The following PIEZO2 variants were observed in gnomAD, a reference collection of about 807,000 sequenced individuals.
PIEZO2 encodes the protein piezo type mechanosensitive ion channel component 2.
Under a neutral mutation model 337.3 loss-of-function variants are expected in PIEZO2, and 172 were observed. The ratio of observed to expected loss-of-function variants is 0.51; its 90% confidence interval spans 0.45 to 0.58. The LOEUF (loss-of-function observed/expected upper bound fraction) is 0.58. PIEZO2 is among the 20% of genes least tolerant of loss of function. The probability of loss-of-function intolerance (pLI) is 0.00; values close to 1 mark genes in which losing one functional copy is unlikely to be tolerated. For synonymous variants in PIEZO2, 1,251 were observed against 1,228.5 expected (o/e 1.02, Z -0.38); for missense variants, 3,028 against 3,391.3 (o/e 0.89, Z 2.66).
intron 1 of PIEZO2, among the ~76,000 whole-genome samples, chr18:11,123,227 T>C (rs1357673953): frequency 6.6e-6 from 1 of 152,208 alleles, no homozygotes; most frequent in Non-Finnish European, 1.5e-5. Flanking sequence ...TTAGTCTTTC[T>C]AGATATACAC....
chr18:11,100,589 C>T (rs1191925396), intron 1 of PIEZO2, among the ~76,000 whole-genome samples: 9 of 152,110 alleles, frequency 5.9e-5, no homozygotes, highest in Non-Finnish European at 1.3e-4. Flanking sequence ...GTCATGCTCA[C>T]CACATTTTCA....
rs146715574 is a variant in PIEZO2, at chr18:11,001,653, G to T, written c.161-21993C>A. Among the ~76,000 whole-genome samples the T allele has an allele frequency of 2.7e-3, 411 of 152,040 alleles. 5 individuals carry two copies. Among genetic ancestry groups the T allele is most frequent in the African/African-American group, 9.4e-3 (389 of 41,434 alleles). The stretch of plus-strand genomic sequence containing the variant: ...AGCACTTTGGGAGGCTGAGGTGGGC[G>T]GATCATCTGAGGTCGGGAGTTCGAG... On this transcript the variant is annotated intron_variant, in intron 2 of 55. Transcript: ENST00000674853. This position sits in a 1 kb window ranked among gnomAD's most constrained non-coding sequence, Gnocchi z 5.3.
At position 10,811,077 on chromosome 18, in the gene PIEZO2, T is replaced by C. The variant is rs16975385; in HGVS notation, c.918-3803A>G. ...ATCATTCTTTCCTTCAGGCCTGATA[T>C]TCCTTATAGTTAATATTCACCAATA... On this transcript the variant is annotated intron_variant, in intron 7 of 55. Coordinates refer to ENST00000674853, the MANE Select transcript of PIEZO2 (RefSeq NM_001378183.1). Among the ~76,000 whole-genome samples, 474 of 152,324 alleles carry C rather than the reference T, an allele frequency of 3.1e-3. 5 individuals are homozygous for C. The highest frequency in any genetic ancestry group is 0.021 in the Admixed American group (324 of 15,298).
intron 47 of PIEZO2, among the ~76,000 whole-genome samples, chr18:10,692,071 T>TGA (rs1473574701): frequency 3.3e-5 from 5 of 151,986 alleles, no homozygotes; most frequent in Admixed American, 6.6e-5. Context: ...TTTTTAATGA[T>TGA]TTCCTCAACA....
At chr18:10,790,203 G>A (rs1025057479) in intron 14 of PIEZO2, among the ~76,000 whole-genome samples, 1 of 152,082 alleles carries the variant, frequency 6.6e-6, no homozygotes, top group Non-Finnish European at 1.5e-5. Flanking sequence ...ACAGACTTTT[G>A]TTACTGAAAA....
At position 11,076,402 on chromosome 18, in the gene PIEZO2, T is replaced by G. The variant is rs188577088; in HGVS notation, c.65-10180A>C. On this transcript the variant is annotated intron_variant, in intron 1 of 55. Coordinates refer to ENST00000674853, the MANE Select transcript of PIEZO2 (RefSeq NM_001378183.1). ...TAACTACTACTCAATTTCCTAAAAT[T>G]TTGAAACCAATCTAAGGAAAAAAAT... is the stretch of plus-strand genomic sequence containing the variant. Among the ~76,000 whole-genome samples, 53 of 152,284 alleles carry G rather than the reference T, an allele frequency of 3.5e-4. 2 individuals are homozygous for G. The highest frequency in any genetic ancestry group is 3.1e-3 in the Admixed American group (47 of 15,298).
chr18:11,006,357 G>T (rs750499031), intron 2 of PIEZO2, among the ~76,000 whole-genome samples: 2 of 152,170 alleles, frequency 1.3e-5, no homozygotes, highest in Non-Finnish European at 2.9e-5. Flanking sequence ...CTGAACGAAT[G>T]AATGAAATAT....
rs150760409 is a variant in PIEZO2, at chr18:10,748,412, C to T, written c.4424+59G>A. The T allele has an allele frequency of 7.2e-4, 1,059 of 1,471,098 alleles. 11 individuals are homozygous for T. The African/African-American group carries it at 0.013, about 18-fold the overall frequency. 91.1% of individuals were successfully genotyped at this position (1,471,098 alleles called of 1,614,324 possible). On this transcript the variant is annotated intron_variant, in intron 30 of 55. Coordinates refer to ENST00000674853, the MANE Select transcript of PIEZO2 (RefSeq NM_001378183.1). This position sits in a 1 kb window ranked among gnomAD's most constrained non-coding sequence, Gnocchi z 5.1. ...GCAAGCTCAGACAGAAATGATAGTG[C>T]AATATTATTTCAGGCAAGTTTCCTG...
At position 10,767,438 on chromosome 18, in the gene PIEZO2, G is replaced by C. The variant is rs888594564; in HGVS notation, c.2946+2710C>G. Among the ~76,000 whole-genome samples the C allele has an allele frequency of 6.6e-6, 1 of 152,108 alleles. No homozygotes were observed. Among genetic ancestry groups the C allele is most frequent in the Non-Finnish European group, 1.5e-5 (1 of 68,022 alleles). ...CCAGAGCTGCCACAGCTCCTGAAGA[G>C]CTTTCTTTGTGGAGAGGGGCTGCAT... On this transcript the variant is annotated intron_variant, in intron 21 of 55. Transcript: ENST00000674853. The surrounding 1 kb of genome is among the most constrained non-coding windows in gnomAD (Gnocchi z 4.2).
Position 11,025,771 on chromosome 18 carries a change from G to A in PIEZO2, c.160+40356C>T, listed in dbSNP as rs530568241. Among the ~76,000 whole-genome samples, 39 of 152,314 alleles carry A rather than the reference G, an allele frequency of 2.6e-4. 1 individual carries two copies. The highest frequency in any genetic ancestry group is 8.2e-4 in the African/African-American group (34 of 41,556). On this transcript the variant is annotated intron_variant, in intron 2 of 55. Coordinates refer to ENST00000674853, the MANE Select transcript of PIEZO2 (RefSeq NM_001378183.1). ...CCATGGTGACAATTGTTCAGAAAATGAGAGCACCCCTCATCATTTTCTCTC... is the reference window on the plus strand; with the variant it reads ...CCATGGTGACAATTGTTCAGAAAATAAGAGCACCCCTCATCATTTTCTCTC...
rs2042672437 is a variant in PIEZO2 at position 10,888,563 on chromosome 18, C to T, written c.330-17148G>A. Reference sequence around the variant, plus strand: ...TTGACAGAGTCCTTTGCATATATTTCCACACACACGCATATGCCTTTACAA... The same window carrying T: ...TTGACAGAGTCCTTTGCATATATTTTCACACACACGCATATGCCTTTACAA... On this transcript the variant is annotated intron_variant, in intron 4 of 55. Transcript: ENST00000674853. This position sits in a 1 kb window ranked among gnomAD's most constrained non-coding sequence, Gnocchi z 4.1. Among the ~76,000 whole-genome samples, 1 of 152,102 alleles carries T rather than the reference C, an allele frequency of 6.6e-6. No homozygotes were observed. The highest frequency in any genetic ancestry group is 2.4e-5 in the African/African-American group (1 of 41,404).
intron 36 of PIEZO2, among the ~76,000 whole-genome samples, chr18:10,721,361 G>A (rs1456527687): frequency 1.3e-5 from 2 of 152,162 alleles, no homozygotes; most frequent in African/African-American, 4.8e-5. Flanking sequence ...AAGACATGAC[G>A]CCTCGTACCA....
rs1407585625 is a variant in PIEZO2, at chr18:11,002,384, T to G, written c.161-22724A>C. ...TAAAAAGAAACCAAAAGGACTGTGTTTTGATATTCAAGAAATTCCCTAGGA... is the reference window on the plus strand; with the variant it reads ...TAAAAAGAAACCAAAAGGACTGTGTGTTGATATTCAAGAAATTCCCTAGGA... On this transcript the variant is annotated intron_variant, in intron 2 of 55. Transcript: ENST00000674853. The surrounding 1 kb of genome is among the most constrained non-coding windows in gnomAD (Gnocchi z 4.3). Among the ~76,000 whole-genome samples, 1 of 152,202 alleles carries G rather than the reference T, an allele frequency of 6.6e-6. No homozygotes were observed. The highest frequency in any genetic ancestry group is 1.5e-5 in the Non-Finnish European group (1 of 68,030).
Position 10,672,199 on chromosome 18 carries a change from A to C in PIEZO2, c.8346-420T>G, listed in dbSNP as rs2033810111. ...ACTGTCTCTCAGATTAATTTTTATA[A>C]AATTCTGGGTGAAAATCATTTCTTA... On this transcript the variant is annotated intron_variant, in intron 55 of 55. Coordinates refer to ENST00000674853, the MANE Select transcript of PIEZO2 (RefSeq NM_001378183.1). This position sits in a 1 kb window ranked among gnomAD's most constrained non-coding sequence, Gnocchi z 4.7. Among the ~76,000 whole-genome samples, 1 of 152,170 alleles carries C rather than the reference A, an allele frequency of 6.6e-6. No individual in the cohort carries two copies. Among genetic ancestry groups the C allele is most frequent in the Non-Finnish European group, 1.5e-5 (1 of 68,032 alleles).
chr18:10,917,924 T>C (rs1167324814), intron 3 of PIEZO2, among the ~76,000 whole-genome samples: 1 of 152,200 alleles, frequency 6.6e-6, no homozygotes, highest in Non-Finnish European at 1.5e-5. Context: ...GAAGAGATTT[T>C]CATATCTAAT....
At position 10,794,774 on chromosome 18, in the gene PIEZO2, T is replaced by G; in HGVS notation, c.1756A>C (p.Lys586Gln). The G allele has an allele frequency of 6.6e-7, 1 of 1,522,774 alleles. No homozygotes were observed. The highest frequency in any genetic ancestry group is 8.8e-7 in the Non-Finnish European group (1 of 1,136,954). 94.3% of individuals were successfully genotyped at this position (1,522,774 alleles called of 1,614,324 possible). A position where few individuals can be genotyped will look rare whatever the true frequency, so the allele number is the denominator to read the frequency against. Residue 586 changes from lysine to glutamine, a missense_variant and splice_region_variant, in exon 13 of 56, where the codon AAA (lysine) becomes CAA (glutamine). Physicochemically the swap from Lys to Gln is moderately conservative, Grantham distance 53. Transcript: ENST00000674853. The surrounding 1 kb of genome is among the most constrained non-coding windows in gnomAD (Gnocchi z 6.6). ...TTTATTGTATTCTATTCACTTACTTTGGAAGCAAGTTCTCCTGGCTCTTTC... is the reference window on the plus strand; with the variant it reads ...TTTATTGTATTCTATTCACTTACTTGGGAAGCAAGTTCTCCTGGCTCTTTC... Reference protein sequence around the residue: ...EKKEPGELASKILFTITFWLL... With the variant: ...EKKEPGELASQILFTITFWLL...
rs1178614315 is a variant in PIEZO2, at chr18:10,714,808, T to C, written c.5379A>G (p.Thr1793=). ...AATCTAAACTATCCATCCTGTGGGCTGTCTGTGCACCTGAAGCAGCTCCGG... is the reference window on the plus strand; with the variant it reads ...AATCTAAACTATCCATCCTGTGGGCCGTCTGTGCACCTGAAGCAGCTCCGG... ...EHPGAASGAQ[T]AHRMDSLDSH... The change falls in exon 39 of 56, where the codon ACA becomes ACG. Residue 1793 remains threonine (T), a synonymous_variant. Transcript: ENST00000674853. 6.5e-6 allele frequency: 10 copies of C among 1,537,278 alleles called. No individual in the cohort carries two copies. The East Asian group carries it at 9.8e-5, about 15-fold the overall frequency.
Position 10,672,988 on chromosome 18 carries a change from T to G in PIEZO2, c.8162-115A>C, listed in dbSNP as rs1256480528. 2.5e-6 allele frequency: 2 copies of G among 811,392 alleles called. No homozygotes were observed. Among genetic ancestry groups the G allele is most frequent in the African/African-American group, 3.5e-5 (2 of 57,508 alleles). 50.3% of individuals were successfully genotyped at this position (811,392 alleles called of 1,614,324 possible). A position where few individuals can be genotyped will look rare whatever the true frequency, so the allele number is the denominator to read the frequency against. On this transcript the variant is annotated intron_variant, in intron 54 of 55. Transcript: ENST00000674853. The surrounding 1 kb of genome is among the most constrained non-coding windows in gnomAD (Gnocchi z 4.7). The stretch of plus-strand genomic sequence containing the variant: ...CTAACTATAGCATAAGGTTCTAGGA[T>G]GAAAAGGATGCATGGACATACTAGA...
intron 1 of PIEZO2, among the ~76,000 whole-genome samples, chr18:11,076,390 A>G (rs2038545888): frequency 6.6e-6 from 1 of 152,198 alleles, no homozygotes; most frequent in African/African-American, 2.4e-5. Flanking sequence ...CTACTACTCA[A>G]TTTCCTAAAA....
Sources: allele counts gnomAD v4.1 joint callset (sites outside exome capture counted in the v4.1 genomes callset), GRCh38; gene constraint gnomAD v4.1.1; non-coding constraint Gnocchi (gnomAD v3.1); transcripts MANE v1.5; gene names NCBI Gene and HGNC (gene_info 2026-07-23, HGNC 2026-07-21).